IGSF9: variants seen among roughly 807,000 people sequenced by gnomAD.
IGSF9 encodes the protein protein turtle homolog A.
IGSF9 carries 87 observed loss-of-function variants against 121.7 expected under a neutral mutation model. The ratio of observed to expected loss-of-function variants is 0.71; its 90% CI spans 0.60 to 0.85. IGSF9 has a LOEUF of 0.85. Among genes scored for constraint, IGSF9 ranks in the 40% least tolerant of loss-of-function variants. The pLI, the probability that IGSF9 is intolerant of heterozygous loss-of-function variation, is 0.00. For synonymous variants in IGSF9, 640 were observed against 648.4 expected, an observed-to-expected ratio of 0.99 and a Z score of 0.20; for missense variants, 1,462 against 1,565.3, an observed-to-expected ratio of 0.93 and a Z score of 1.11.
Position 159,931,339 on chromosome 1 carries a change from A to G in IGSF9, c.1514-78T>C, listed in dbSNP as rs367886621. The G allele has an allele frequency of 8.1e-6, 13 of 1,601,806 alleles. No homozygotes were observed. The African/African-American group carries it at 1.6e-4, about 20-fold the overall frequency. On this transcript the variant is annotated intron_variant, in intron 12 of 20. Transcript: ENST00000368094. This position sits in a 1 kb window ranked among gnomAD's most constrained non-coding sequence, Gnocchi z 4.8. Reference sequence around the variant, plus strand: ...AGTAGCAGGGGCCCCAGGGCCACTGACCTTCACCCATCATCATCCCAGGGG... The same window carrying G: ...AGTAGCAGGGGCCCCAGGGCCACTGGCCTTCACCCATCATCATCCCAGGGG...
At chr1:159,944,656 C>T (rs1651526711) in intron 1 of IGSF9, among the ~76,000 whole-genome samples, 1 of 152,162 alleles carries the variant, frequency 6.6e-6, no homozygotes, top group Non-Finnish European at 1.5e-5. Flanking sequence ...CCCACAGATC[C>T]TAGGGCAGTC....
chr1:159,929,988 T>TG lies in IGSF9; in HGVS notation c.2065-14dup, dbSNP rs1226061691. ...CGTAGAGAACATCCTGCGATGGGGA[T>TG]GGGGTACCAGGAGGGAGGTCAGGGC... On this transcript the variant is annotated splice_polypyrimidine_tract_variant and intron_variant, in intron 15 of 20. Coordinates refer to ENST00000368094, the MANE Select transcript of IGSF9 (RefSeq NM_001135050.2). 1.3e-6 allele frequency: 2 copies of TG among 1,593,144 alleles called. No homozygotes were observed. Among genetic ancestry groups the TG allele is most frequent in the African/African-American group, 2.7e-5 (2 of 74,440 alleles).
intron 6 of IGSF9, 110 bp from the exon 7 acceptor site, chr1:159,934,932 G>A (rs542452593): frequency 1.5e-5 from 20 of 1,297,692 alleles, no homozygotes; most frequent in African/African-American, 7.3e-5. Flanking sequence ...CTTAGGGCTC[G>A]TTGTTACAGG....
rs1046450114 is a variant in IGSF9, at chr1:159,928,309, C to T, written c.3079G>A (p.Gly1027Arg). 4.3e-6 allele frequency: 7 copies of T among 1,611,446 alleles called. No individual in the cohort carries two copies. The East Asian group carries it at 1.1e-4, about 26-fold the overall frequency. Residue 1027 changes from glycine to arginine, a missense_variant, in exon 19 of 21, where the codon GGG becomes AGG. Coordinates refer to ENST00000368094, the MANE Select transcript of IGSF9 (RefSeq NM_001135050.2). ...CGCAGGAACGAAGCGCTGCCTCGCC[C>T]ACTGCTCTGGCTGGTGAGGCTGCCT... Reference protein sequence around the residue: ...PRGSLTSQSSGRGSASFLRPP... With the variant: ...PRGSLTSQSSRRGSASFLRPP...
Position 159,928,247 on chromosome 1 carries a change from G to T in IGSF9, c.3141C>A (p.Tyr1047Ter), listed in dbSNP as rs1385182188. The change falls in exon 19 of 21, where the codon TAC (tyrosine) becomes TAA (stop). Residue 1047 changes from tyrosine (Y) to a stop codon, truncating the protein, a stop_gained. Coordinates refer to ENST00000368094, the MANE Select transcript of IGSF9 (RefSeq NM_001135050.2). LOFTEE classifies it high-confidence loss of function. The part of the protein sequence containing the change: ...PSTAPSAGGS[Y>*]LSPAPGDTSS... ...TGGTGTCTCCTGGAGCAGGGCTGAG[G>T]TAGCTGCCTCCTGCAGAGGGGGCTG... 1 of 1,613,206 alleles carries T rather than the reference G, an allele frequency of 6.2e-7. No homozygotes were observed. The highest frequency in any genetic ancestry group is 2.2e-5 in the East Asian group (1 of 44,878).
In IGSF9 at chr1:159,931,437, C is replaced by A. The variant is rs967868518; in HGVS notation, c.1513+16G>T. The stretch of plus-strand genomic sequence containing the variant: ...GTAGTTTCTCCCAGCCCCTGGCCCT[C>A]TCTCCAGCCACTAACCCAGCACGTA... On this transcript the variant is annotated intron_variant, in intron 12 of 20. Coordinates refer to ENST00000368094, the MANE Select transcript of IGSF9 (RefSeq NM_001135050.2). This position sits in a 1 kb window ranked among gnomAD's most constrained non-coding sequence, Gnocchi z 4.8. 1.2e-6 allele frequency: 2 copies of A among 1,609,460 alleles called. No individual in the cohort carries two copies. The highest frequency in any genetic ancestry group is 3.3e-5 in the Admixed American group (2 of 59,902).
In IGSF9 at chr1:159,930,703, G is replaced by C; in HGVS notation, c.1802C>G (p.Ser601Cys). 6.2e-7 allele frequency: 1 copy of C among 1,614,092 alleles called. No homozygotes were observed. Among genetic ancestry groups the C allele is most frequent in the Non-Finnish European group, 8.5e-7 (1 of 1,179,998 alleles). The change falls in exon 14 of 21, where the codon TCT becomes TGT. Residue 601 changes from serine (S) to cysteine (C), a missense_variant. Coordinates refer to ENST00000368094, the MANE Select transcript of IGSF9 (RefSeq NM_001135050.2). ...GAGAAGCTTCTCACCTTCCGGAGCAGACAAGACGATTTCGCTGAAGGGACC... is the reference window on the plus strand; with the variant it reads ...GAGAAGCTTCTCACCTTCCGGAGCACACAAGACGATTTCGCTGAAGGGACC... ...GSGPFSEIVLSAPEGLPTTPA... is the reference protein window; with the variant it reads ...GSGPFSEIVLCAPEGLPTTPA...
At chr1:159,937,014 C>G in intron 4 of IGSF9, 106 bp from the exon 5 acceptor site, 1 of 1,136,064 alleles carries the variant, frequency 8.8e-7, no homozygotes. Flanking sequence ...TGCCCACCCA[C>G]CAGCCCTGCC....
rs1453327012 is a variant in IGSF9 at position 159,927,236 on chromosome 1, C to T, written c.*109G>A. The T allele has an allele frequency of 2.2e-6, 3 of 1,345,872 alleles. No individual in the cohort carries two copies. Among genetic ancestry groups the T allele is most frequent in the Non-Finnish European group, 2.1e-6 (2 of 946,130 alleles). 83.4% of individuals were successfully genotyped at this position (1,345,872 alleles called of 1,614,324 possible). On this transcript the variant is annotated 3_prime_UTR_variant, in exon 21 of 21. Coordinates refer to ENST00000368094, the MANE Select transcript of IGSF9 (RefSeq NM_001135050.2). The stretch of plus-strand genomic sequence containing the variant: ...CCCACTATCAGGGTCTGTGCCTGGG[C>T]ACCAAAGGGGCAGGCAGGGGCAGTG...
chr1:159,931,742 A>G lies in IGSF9; in HGVS notation c.1362+70T>C. 1 of 1,450,808 alleles carries G rather than the reference A, an allele frequency of 6.9e-7. No individual in the cohort carries two copies. The highest frequency in any genetic ancestry group is 1.4e-5 in the African/African-American group (1 of 71,288). 89.9% of individuals were successfully genotyped at this position (1,450,808 alleles called of 1,614,324 possible). ...CCTTCCCACACCCTCCCTCCCACAAAATGGCTGGGGCACGAGAGGCAGGGG... is the reference window on the plus strand; with the variant it reads ...CCTTCCCACACCCTCCCTCCCACAAGATGGCTGGGGCACGAGAGGCAGGGG... On this transcript the variant is annotated intron_variant, in intron 11 of 20. Transcript: ENST00000368094. This position sits in a 1 kb window ranked among gnomAD's most constrained non-coding sequence, Gnocchi z 4.8.
chr1:159,930,096 T>G (rs1650935744), intron 15 of IGSF9, 93 bp downstream of exon 15: 1 of 1,547,756 alleles, frequency 6.5e-7, no homozygotes, highest in Admixed American at 1.8e-5. Context: ...GGTGAAGAGC[T>G]CAAATCAAGA....
In IGSF9 at chr1:159,931,321, G is replaced by A; in HGVS notation, c.1514-60C>T. On this transcript the variant is annotated intron_variant, in intron 12 of 20. Transcript: ENST00000368094. This position sits in a 1 kb window ranked among gnomAD's most constrained non-coding sequence, Gnocchi z 4.8. The stretch of plus-strand genomic sequence containing the variant: ...GCCTGAGGGAGTGTACAGAGTAGCA[G>A]GGGCCCCAGGGCCACTGACCTTCAC... 1 of 1,608,588 alleles carries A rather than the reference G, an allele frequency of 6.2e-7. No homozygotes were observed. Among genetic ancestry groups the A allele is most frequent in the East Asian group, 2.2e-5 (1 of 44,764 alleles).
Position 159,927,207 on chromosome 1 carries a change from C to T in IGSF9, c.*138G>A, listed in dbSNP as rs1277010861. 1 of 1,041,520 alleles carries T rather than the reference C, an allele frequency of 9.6e-7. No homozygotes were observed. The highest frequency in any genetic ancestry group is 2.4e-5 in the East Asian group (1 of 41,634). The allele number at this position is 1,041,520 out of a possible 1,614,324, so 64.5% of individuals were successfully genotyped here. A position where few individuals can be genotyped will look rare whatever the true frequency, so the allele number is the denominator to read the frequency against. On this transcript the variant is annotated 3_prime_UTR_variant, in exon 21 of 21. Coordinates refer to ENST00000368094, the MANE Select transcript of IGSF9 (RefSeq NM_001135050.2). ...ACATACATTCCATACCAAGGTGACCCAAACCCACTATCAGGGTCTGTGCCT... is the reference window on the plus strand; with the variant it reads ...ACATACATTCCATACCAAGGTGACCTAAACCCACTATCAGGGTCTGTGCCT...
intron 3 of IGSF9, among the ~76,000 whole-genome samples, chr1:159,941,414 C>CGG: frequency 6.6e-6 from 1 of 152,232 alleles, no homozygotes; most frequent in Non-Finnish European, 1.5e-5. Context: ...CTCCCTCAGC[C>CGG]GGCTCTGGCC....
In IGSF9 at chr1:159,931,081, G is replaced by A. The variant is rs1018372795; in HGVS notation, c.1637+57C>T. 4 of 1,612,374 alleles carry A rather than the reference G, an allele frequency of 2.5e-6. No individual in the cohort carries two copies. Among genetic ancestry groups the A allele is most frequent in the Non-Finnish European group, 3.4e-6 (4 of 1,178,810 alleles). ...GGGCAGAAGGCCAGATAGGTTCAAG[G>A]AGGAGAGGAAAGGAGGCAAGATTGG... is the stretch of plus-strand genomic sequence containing the variant. On this transcript the variant is annotated intron_variant, in intron 13 of 20. Coordinates refer to ENST00000368094, the MANE Select transcript of IGSF9 (RefSeq NM_001135050.2). The surrounding 1 kb of genome is among the most constrained non-coding windows in gnomAD (Gnocchi z 4.8).
At position 159,927,797 on chromosome 1, in the gene IGSF9, G is replaced by A. The variant is rs1650794822; in HGVS notation, c.3321C>T (p.Ala1107=). ...CAGCTTCAGGTCTGAGCCGGGAGCTGGCCAAGCCCAGGTGCAAAGTCTCCA... is the reference window on the plus strand; with the variant it reads ...CAGCTTCAGGTCTGAGCCGGGAGCTAGCCAAGCCCAGGTGCAAAGTCTCCA... ...ELLETLHLGL[A]SSRLRPEAEP... is the part of the protein sequence containing the mutation. Residue 1107 remains alanine, a synonymous_variant, in exon 20 of 21, where the codon GCC becomes GCT. Coordinates refer to ENST00000368094, the MANE Select transcript of IGSF9 (RefSeq NM_001135050.2). The A allele has an allele frequency of 1.2e-6, 2 of 1,613,760 alleles. No homozygotes were observed. Among genetic ancestry groups the A allele is most frequent in the South Asian group, 2.2e-5 (2 of 91,054 alleles).
At chr1:159,942,774 G>A (rs773316266) in intron 3 of IGSF9, among the ~76,000 whole-genome samples, 189 bp downstream of exon 3, 21 of 151,888 alleles carry the variant, frequency 1.4e-4, no homozygotes, top group Non-Finnish European at 2.9e-4. Context: ...GTGTGTAAAT[G>A]AATGAATCTT....
At position 159,934,378 on chromosome 1, in the gene IGSF9, C is replaced by A. The variant is rs1398401316; in HGVS notation, c.962-46G>T. 3 of 1,568,046 alleles carry A rather than the reference C, an allele frequency of 1.9e-6. No individual in the cohort carries two copies. The Admixed American group carries it at 5.7e-5, about 30-fold the overall frequency. On this transcript the variant is annotated intron_variant, in intron 8 of 20. Coordinates refer to ENST00000368094, the MANE Select transcript of IGSF9 (RefSeq NM_001135050.2). ...GTTGGGGGAGAGGGGCTTGGCCTGG[C>A]CCAGGGGAAGGGAGCAGGCTGAGGG...
chr1:159,932,928 G>A lies in IGSF9; in HGVS notation c.1105-276C>T, dbSNP rs986982716. On this transcript the variant is annotated intron_variant, in intron 9 of 20. Transcript: ENST00000368094. The surrounding 1 kb of genome is among the most constrained non-coding windows in gnomAD (Gnocchi z 4.1). ...ATGGCCACCCCTGTAGTTGGGCCGC[G>A]TGGGGCTTCCTGCCTGCTGGGACTT... 3 of 330,266 alleles carry A rather than the reference G, an allele frequency of 9.1e-6. No individual in the cohort carries two copies. Among genetic ancestry groups the A allele is most frequent in the Middle Eastern group, 8.2e-4 (1 of 1,218 alleles). The allele number at this position is 330,266 out of a possible 1,614,324, so 20.5% of individuals were successfully genotyped here.
Sources: gnomAD v4.1 joint callset for allele counts (sites outside exome capture counted in the v4.1 genomes callset) on GRCh38, gnomAD v4.1.1 for gene constraint, Gnocchi (gnomAD v3.1) non-coding constraint, MANE v1.5 for transcripts, NCBI Gene and HGNC (gene_info 2026-07-23, HGNC 2026-07-21) for gene names.